ITLN2: variants seen among roughly 807,000 people sequenced by gnomAD.
The protein encoded by ITLN2 is intelectin 2.
A neutral mutation model predicts 39.4 loss-of-function variants in ITLN2; 29 were observed. The observed-to-expected ratio is 0.74, with a 90% CI of 0.55 to 1.00. The LOEUF is 1.00. Ranked by LOEUF, ITLN2 falls within the 50% of genes least tolerant of loss-of-function variation. The pLI, the probability that ITLN2 is intolerant of heterozygous loss-of-function variation, is 0.00. For missense variants in ITLN2, 412 were observed against 416.7 expected, an observed-to-expected ratio of 0.99 and a Z score of 0.10; for synonymous variants, 156 against 153.4, an observed-to-expected ratio of 1.02 and a Z score of -0.12.
At chr1:160,947,224 G>A (rs1218487097) in intron 7 of ITLN2, among the ~76,000 whole-genome samples, 2 of 152,206 alleles carry the variant, frequency 1.3e-5, no homozygotes, top group African/African-American at 4.8e-5. Flanking sequence ...TGTGCACATA[G>A]GCTAGATTTA....
intron 4 of ITLN2, 47 bp downstream of exon 4, chr1:160,950,996 C>T (rs2101939581): frequency 6.2e-7 from 1 of 1,614,086 alleles, no homozygotes; most frequent in African/African-American, 1.3e-5. Context: ...TGGCCAGCCA[C>T]ACTCCACACC....
chr1:160,953,213 G>A (rs931176588), intron 2 of ITLN2, among the ~76,000 whole-genome samples: 13 of 149,910 alleles, frequency 8.7e-5, no homozygotes, highest in African/African-American at 3.1e-4. Context: ...ATGGCCTGAA[G>A]CAATAACAGA....
rs770279856 is a variant in ITLN2 at position 160,954,445 on chromosome 1, T to C, written c.21A>G (p.Thr7=). ...ATAACAGGAAGCAGAGTCTGGTCAT[T>C]GTCCTCTAAGGAAAAACAAGATGCA... MLSMLR[T]MTRLCFLLFF... is the part of the protein sequence containing the mutation. The change falls in exon 2 of 8, where the codon ACA becomes ACG. Residue 7 remains threonine (T), a synonymous_variant. Transcript: ENST00000368029. 1 of 1,578,880 alleles carries C rather than the reference T, an allele frequency of 6.3e-7. No homozygotes were observed. Among genetic ancestry groups the C allele is most frequent in the African/African-American group, 1.3e-5 (1 of 74,550 alleles).
At chr1:160,947,517 C>A (rs1402512765) in intron 7 of ITLN2, among the ~76,000 whole-genome samples, 1 of 152,192 alleles carries the variant, frequency 6.6e-6, no homozygotes, top group Non-Finnish European at 1.5e-5. Context: ...TTTCCTCTCC[C>A]ATGAGGCCAT....
chr1:160,950,492 C>A (rs1671714625), intron 5 of ITLN2, 61 bp downstream of exon 5: 3 of 1,576,992 alleles, frequency 1.9e-6, no homozygotes, highest in Non-Finnish European at 2.6e-6. Context: ...TGCCCCCTAC[C>A]CTAGACACTT....
intron 7 of ITLN2, 113 bp downstream of exon 7, chr1:160,947,816 G>A: frequency 4.1e-6 from 3 of 730,298 alleles, no homozygotes; most frequent in Non-Finnish European, 6.9e-6. Flanking sequence ...ATTTTTCTTA[G>A]TACAGATTAA....
rs1376769707 is a variant in ITLN2, at chr1:160,952,745, G to T, written c.80-12C>A. The T allele has an allele frequency of 1.3e-6, 2 of 1,592,630 alleles. No individual in the cohort carries two copies. The highest frequency in any genetic ancestry group is 1.1e-5 in the South Asian group (1 of 90,582). The stretch of plus-strand genomic sequence containing the variant: ...AGAAGAGGCTGCTGCTAGAAAATGT[G>T]AGAATGAGTCTCATTAGAAGTCTGA... On this transcript the variant is annotated splice_polypyrimidine_tract_variant and intron_variant, in intron 2 of 7. Coordinates refer to ENST00000368029, the MANE Select transcript of ITLN2 (RefSeq NM_080878.3).
chr1:160,947,873 T>A, intron 7 of ITLN2, 56 bp downstream of exon 7: 3 of 1,169,952 alleles, frequency 2.6e-6, no homozygotes, highest in Non-Finnish European at 3.9e-6. Context: ...ACAGTAACAA[T>A]CTGATCTCTC....
Position 160,951,163 on chromosome 1 carries a change from C to G in ITLN2, c.321G>C (p.Thr107=). Residue 107 remains threonine, a synonymous_variant, in exon 4 of 8, where the codon ACG becomes ACC. Transcript: ENST00000368029. ...VHENDMRGKC[T]VGDRWSSQQG... The stretch of plus-strand genomic sequence containing the variant: ...GCTGACTGGACCAGCGATCACCCAC[C>G]GTGCACTTCCCACGCATGTCATTCT... The G allele has an allele frequency of 6.2e-7, 1 of 1,614,178 alleles. No homozygotes were observed. Among genetic ancestry groups the G allele is most frequent in the Non-Finnish European group, 8.5e-7 (1 of 1,180,030 alleles).
At position 160,947,976 on chromosome 1, in the gene ITLN2, T is replaced by G. The variant is rs1671645669; in HGVS notation, c.778A>C (p.Asn260His). The change falls in exon 7 of 8, where the codon AAC (asparagine) becomes CAC (histidine). Residue 260 changes from asparagine to histidine, a missense_variant. By Grantham distance (68) the Asn-to-His change is moderately conservative. Coordinates refer to ENST00000368029, the MANE Select transcript of ITLN2 (RefSeq NM_080878.3). ...FRVFNNERAA[N>H]ALCAGIKVTG... ...ACTTTTATCCCAGCACAAAGGGCGTTGGCTGCTCTCTCGTTATTAAACACC... is the reference window on the plus strand; with the variant it reads ...ACTTTTATCCCAGCACAAAGGGCGTGGGCTGCTCTCTCGTTATTAAACACC... 14 of 1,614,112 alleles carry G rather than the reference T, an allele frequency of 8.7e-6. No homozygotes were observed. Among genetic ancestry groups the G allele is most frequent in the Non-Finnish European group, 1.1e-5 (13 of 1,180,026 alleles).
At chr1:160,948,116 C>G in intron 6 of ITLN2, 84 bp from the exon 7 acceptor site, 2 of 1,120,562 alleles carry the variant, frequency 1.8e-6, no homozygotes, top group Non-Finnish European at 2.7e-6. Flanking sequence ...CAGGGATTCC[C>G]TAAGCCAAAA....
intron 6 of ITLN2, 30 bp from the exon 7 acceptor site, chr1:160,948,062 A>G: frequency 6.4e-7 from 1 of 1,564,504 alleles, no homozygotes; most frequent in Non-Finnish European, 8.8e-7. Context: ...GAAACAGCCA[A>G]GTAGTCAAAG....
chr1:160,945,628 C>A (rs1203410345), intron 7 of ITLN2, among the ~76,000 whole-genome samples: 1 of 152,190 alleles, frequency 6.6e-6, no homozygotes, highest in Non-Finnish European at 1.5e-5. Context: ...ATCTGCGAGT[C>A]CCTCCATGAG....
intron 2 of ITLN2, among the ~76,000 whole-genome samples, chr1:160,952,959 A>G (rs790062): frequency 0.028 from 4,218 of 152,314 alleles, 138 homozygotes; most frequent in African/African-American, 0.08. Flanking sequence ...CTACCTAGAC[A>G]CCGGACAAAG....
chr1:160,950,437 A>G (rs112866911), intron 5 of ITLN2, 116 bp downstream of exon 5: 1 of 1,314,674 alleles, frequency 7.6e-7, no homozygotes, highest in Non-Finnish European at 1.1e-6. Flanking sequence ...AAGGAAGGAG[A>G]AACAGCCAAC....
chr1:160,952,504 G>C lies in ITLN2; in HGVS notation c.193+116C>G, dbSNP rs528197592. 3.3e-4 allele frequency: 223 copies of C among 678,002 alleles called. No homozygotes were observed. In the African/African-American group the frequency reaches 3.5e-3, roughly 11 times the overall value. 42.0% of individuals were successfully genotyped at this position (678,002 alleles called of 1,614,324 possible). A position where few individuals can be genotyped will look rare whatever the true frequency, so the allele number is the denominator to read the frequency against. ...TCCCACTAGAAACCTCCTTGAGTAG[G>C]AGCTGGGGGCAGAACAGGCTCCATA... On this transcript the variant is annotated intron_variant, in intron 3 of 7. Coordinates refer to ENST00000368029, the MANE Select transcript of ITLN2 (RefSeq NM_080878.3).
rs748661741 is a variant in ITLN2 at position 160,950,056 on chromosome 1, C to T, written c.711G>A (p.Pro237=). The T allele has an allele frequency of 1.4e-5, 22 of 1,613,586 alleles. No homozygotes were observed. The highest frequency in any genetic ancestry group is 1.2e-4 in the Admixed American group (7 of 60,000). Residue 237 remains proline (P), a synonymous_variant, in exon 6 of 8, where the codon CCG becomes CCA. Coordinates refer to ENST00000368029, the MANE Select transcript of ITLN2 (RefSeq NM_080878.3). The part of the protein sequence containing the change: ...DAKKTASYYS[P]YGQREFVAGF... Reference sequence around the variant, plus strand: ...GGAGCAAACACTCACGTTGACCATACGGTGAGTAATAAGATGCAGTCTTCT... The same window carrying T: ...GGAGCAAACACTCACGTTGACCATATGGTGAGTAATAAGATGCAGTCTTCT...
At chr1:160,948,476 G>A (rs1671657237) in intron 6 of ITLN2, among the ~76,000 whole-genome samples, 1 of 152,130 alleles carries the variant, frequency 6.6e-6, no homozygotes, top group Non-Finnish European at 1.5e-5. Flanking sequence ...AAACAGTGAT[G>A]TCTTTGATTT....
intron 3 of ITLN2, among the ~76,000 whole-genome samples, chr1:160,951,726 C>T (rs553483534): frequency 1.3e-4 from 20 of 152,328 alleles, no homozygotes; most frequent in African/African-American, 4.1e-4. Flanking sequence ...ACTGGCTCCA[C>T]GGTGGCATCC....
Sources: gnomAD v4.1 joint callset for allele counts (sites outside exome capture counted in the v4.1 genomes callset) on GRCh38, gnomAD v4.1.1 for gene constraint, MANE v1.5 for transcripts, NCBI Gene and HGNC (gene_info 2026-07-23, HGNC 2026-07-21) for gene names.